The following PRPF19 variants were observed in gnomAD, a reference collection of about 807,000 sequenced individuals.
The protein encoded by PRPF19 is pre-mRNA-processing factor 19.
PRPF19 carries 2 observed loss-of-function variants against 64.2 expected under a neutral mutation model. The ratio of observed to expected loss-of-function variants is 0.03; its 90% CI spans 0.01 to 0.10. The LOEUF (loss-of-function observed/expected upper bound fraction) is 0.10. Among genes scored for constraint, PRPF19 ranks in the 10% least tolerant of loss-of-function variants. The probability of loss-of-function intolerance (pLI) is 1.00; values close to 1 mark genes in which losing one functional copy is unlikely to be tolerated. For synonymous variants in PRPF19, 226 were observed against 251.6 expected (o/e 0.90, Z 0.96); for missense variants, 314 against 650.0 (o/e 0.48, Z 5.62).
At chr11:60,905,006 TG>T (rs1427620898) in intron 1 of PRPF19, among the ~76,000 whole-genome samples, 1 of 152,188 alleles carries the variant, frequency 6.6e-6, no homozygotes, top group Non-Finnish European at 1.5e-5. Flanking sequence ...ACTTATCACC[TG>T]GAAGATTCCA....
Position 60,898,992 on chromosome 11 carries a change from C to T in PRPF19, c.985-61G>A, listed in dbSNP as rs761333353. On this transcript the variant is annotated intron_variant, in intron 11 of 15. Coordinates refer to ENST00000227524, the MANE Select transcript of PRPF19 (RefSeq NM_014502.5). The surrounding 1 kb of genome is among the most constrained non-coding windows in gnomAD (Gnocchi z 4.6). ...AAAGTGGGTCCCAGGTTCTGGTGGC[C>T]CTTCAGCAAGACAGAGCCCCTGGTT... is the stretch of plus-strand genomic sequence containing the variant. The T allele has an allele frequency of 4.1e-5, 63 of 1,521,490 alleles. No homozygotes were observed. The highest frequency in any genetic ancestry group is 4.8e-5 in the Non-Finnish European group (54 of 1,120,090). The allele number at this position is 1,521,490 out of a possible 1,614,324, so 94.2% of individuals were successfully genotyped here.
Position 60,898,791 on chromosome 11 carries a change from T to C in PRPF19, c.1054+71A>G. The C allele has an allele frequency of 6.7e-7, 1 of 1,499,310 alleles. No homozygotes were observed. The highest frequency in any genetic ancestry group is 9.0e-7 in the Non-Finnish European group (1 of 1,115,906). 92.9% of individuals were successfully genotyped at this position (1,499,310 alleles called of 1,614,324 possible). A position where few individuals can be genotyped will look rare whatever the true frequency, so the allele number is the denominator to read the frequency against. ...TATATCTTTAGAACAAATAAACAAA[T>C]GACTAAATAAAATGTAAAAATAAAT... On this transcript the variant is annotated intron_variant, in intron 12 of 15. Transcript: ENST00000227524. This position sits in a 1 kb window ranked among gnomAD's most constrained non-coding sequence, Gnocchi z 4.6.
intron 15 of PRPF19, among the ~76,000 whole-genome samples, chr11:60,896,372 C>G (rs1565109898): frequency 6.6e-6 from 1 of 152,208 alleles, no homozygotes; most frequent in African/African-American, 2.4e-5. Flanking sequence ...AGGTAGAAGA[C>G]AGTGATGTTG....
Position 60,906,364 on chromosome 11 carries a change from T to G in PRPF19, c.19A>C (p.Ile7Leu). The G allele has an allele frequency of 6.3e-7, 1 of 1,599,910 alleles. No homozygotes were observed. The highest frequency in any genetic ancestry group is 2.2e-5 in the East Asian group (1 of 44,462). The change falls in exon 1 of 16, where the codon ATC becomes CTC. Residue 7 changes from isoleucine to leucine, a missense_variant and splice_region_variant. Around this residue, in one of 7 missense-constraint regions of PRPF19, gnomAD observed 66 missense variants for 88.4 expected, o/e 0.75. Transcript: ENST00000227524. The part of the protein sequence containing the change: MSLICS[I>L]SNEVPEHPCV... ...GCGCTTGGCCGCAGCCAACACTCAC[T>G]GGAGCAGATTAGGGACATGGCGCCG...
intron 7 of PRPF19, 49 bp downstream of exon 7, chr11:60,901,450 G>A (rs754073875): frequency 8.7e-6 from 14 of 1,613,860 alleles, no homozygotes; most frequent in African/African-American, 4.0e-5. Flanking sequence ...GGAGTCAACC[G>A]CCTCCCACCA....
intron 15 of PRPF19, chr11:60,897,506 G>A (rs1352355188): frequency 4.7e-6 from 1 of 211,922 alleles, no homozygotes; most frequent in South Asian, 8.6e-5. Flanking sequence ...ATATAATGTG[G>A]GCCTCCCGTG....
At chr11:60,900,745 T>C (rs894962628) in intron 9 of PRPF19, 54 bp from the exon 10 acceptor site, 11 of 1,569,858 alleles carry the variant, frequency 7.0e-6, no homozygotes, top group Middle Eastern at 1.7e-4. Context: ...CAGGCCCTTT[T>C]GCTCAAGGAA....
chr11:60,896,834 T>TA (rs1263931319), intron 15 of PRPF19, among the ~76,000 whole-genome samples: 1 of 151,996 alleles, frequency 6.6e-6, no homozygotes, highest in Non-Finnish European at 1.5e-5. Flanking sequence ...AAAATAAAAA[T>TA]AAAAAAATTA....
At chr11:60,897,735 G>C in intron 15 of PRPF19, 111 bp downstream of exon 15, 1 of 887,034 alleles carries the variant, frequency 1.1e-6, no homozygotes, top group Non-Finnish European at 1.8e-6. Context: ...GGTGGTAACA[G>C]AAAGCTGCTT....
In PRPF19 at chr11:60,890,794, C is replaced by T. The variant is rs761109864; in HGVS notation, c.*372G>A. ...ACAAAACCCTGCACAAGCCCTCCTGCCCATCCCCTTCACAGTTCCCTTGGC... is the reference window on the plus strand; with the variant it reads ...ACAAAACCCTGCACAAGCCCTCCTGTCCATCCCCTTCACAGTTCCCTTGGC... On this transcript the variant is annotated 3_prime_UTR_variant, in exon 16 of 16. Coordinates refer to ENST00000227524, the MANE Select transcript of PRPF19 (RefSeq NM_014502.5). The T allele has an allele frequency of 4.3e-6, 2 of 468,448 alleles. No homozygotes were observed. Among genetic ancestry groups the T allele is most frequent in the South Asian group, 3.1e-5 (2 of 64,672 alleles). 29.0% of individuals were successfully genotyped at this position (468,448 alleles called of 1,614,324 possible).
chr11:60,896,842 T>A (rs538883702), intron 15 of PRPF19, among the ~76,000 whole-genome samples: 3 of 152,196 alleles, frequency 2.0e-5, no homozygotes, highest in South Asian at 2.1e-4. Flanking sequence ...AATAAAAAAA[T>A]TAGAAAAAAG....
rs1156348061 is a variant in PRPF19, at chr11:60,891,199, G to T, written c.1482C>A (p.Gly494=). 1 of 1,609,540 alleles carries T rather than the reference G, an allele frequency of 6.2e-7. No homozygotes were observed. Among genetic ancestry groups the T allele is most frequent in the Non-Finnish European group, 8.5e-7 (1 of 1,177,752 alleles). Residue 494 remains glycine (G), a synonymous_variant, in exon 16 of 16, where the codon GGC becomes GGA. Coordinates refer to ENST00000227524, the MANE Select transcript of PRPF19 (RefSeq NM_014502.5). ...TGTAGAACTTGAGGCTTCTGTCCATGCCTGTTGAAGCGATGAACTTGGCGT... is the reference window on the plus strand; with the variant it reads ...TGTAGAACTTGAGGCTTCTGTCCATTCCTGTTGAAGCGATGAACTTGGCGT... ...GHHAKFIAST[G]MDRSLKFYSL is the part of the protein sequence containing the mutation.
At chr11:60,904,679 G>A (rs1226960788) in intron 1 of PRPF19, among the ~76,000 whole-genome samples, 3 of 152,182 alleles carry the variant, frequency 2.0e-5, no homozygotes, top group Non-Finnish European at 1.5e-5. Context: ...AGCATAGGAT[G>A]AGGTATGGGA....
rs908329130 is a variant in PRPF19 at position 60,898,595 on chromosome 11, T to C, written c.1086A>G (p.Gly362=). Residue 362 remains glycine, a synonymous_variant, in exon 13 of 16, where the codon GGA becomes GGG. Transcript: ENST00000227524. This position sits in a 1 kb window ranked among gnomAD's most constrained non-coding sequence, Gnocchi z 4.6. ...CCATGGTTCCTGTTCCAAAGATGAG[T>C]CCGTCAGGGTGGAACTGTGCACAGG... ...SLTCAQFHPD[G]LIFGTGTMDS... The C allele has an allele frequency of 2.4e-5, 38 of 1,613,798 alleles. No homozygotes were observed. Among genetic ancestry groups the C allele is most frequent in the Non-Finnish European group, 3.2e-5 (38 of 1,180,008 alleles).
chr11:60,901,176 C>T (rs781093377), intron 8 of PRPF19, 119 bp downstream of exon 8: 3 of 1,183,942 alleles, frequency 2.5e-6, no homozygotes, highest in Non-Finnish European at 3.6e-6. Context: ...GAAACAGCAC[C>T]AGGAACAGCG....
Position 60,902,314 on chromosome 11 carries a change from G to T in PRPF19, c.525+89C>A. 3 of 1,442,524 alleles carry T rather than the reference G, an allele frequency of 2.1e-6. No homozygotes were observed. The highest frequency in any genetic ancestry group is 1.9e-6 in the Non-Finnish European group (2 of 1,033,980). The allele number at this position is 1,442,524 out of a possible 1,614,324, so 89.4% of individuals were successfully genotyped here. On this transcript the variant is annotated intron_variant, in intron 6 of 15. Coordinates refer to ENST00000227524, the MANE Select transcript of PRPF19 (RefSeq NM_014502.5). This position sits in a 1 kb window ranked among gnomAD's most constrained non-coding sequence, Gnocchi z 5.0. Reference sequence around the variant, plus strand: ...GCTCTGCACCACTCAACTCCCAAAAGCACAGTGATTTTAGTCACGATGGAC... The same window carrying T: ...GCTCTGCACCACTCAACTCCCAAAATCACAGTGATTTTAGTCACGATGGAC...
chr11:60,903,518 G>T lies in PRPF19; in HGVS notation c.187C>A (p.Pro63Thr). The T allele has an allele frequency of 1.2e-6, 2 of 1,614,094 alleles. No individual in the cohort carries two copies. Among genetic ancestry groups the T allele is most frequent in the Non-Finnish European group, 1.7e-6 (2 of 1,180,016 alleles). Residue 63 changes from proline to threonine, a missense_variant, in exon 3 of 16, where the codon CCC (proline) becomes ACC (threonine). By Grantham distance (38) the Pro-to-Thr change is conservative (BLOSUM62 -1). This residue lies in a region of PRPF19 where 66 missense variants were observed against 88.4 expected (regional missense o/e 0.75). Transcript: ENST00000227524. ...IDIKVAHPIR[P>T]KPPSATSIPA... ...ATGCTGGTGGCTGAGGGAGGCTTGG[G>T]CCGGATTGGGTGAGCAACTGCCGAA... is the stretch of plus-strand genomic sequence containing the variant.
intron 1 of PRPF19, among the ~76,000 whole-genome samples, chr11:60,904,996 A>T (rs1355667107): frequency 2.6e-5 from 4 of 152,226 alleles, no homozygotes; most frequent in Non-Finnish European, 4.4e-5. Context: ...GCGTACAGAC[A>T]CTTATCACCT....
rs945940401 is a variant in PRPF19 at position 60,898,423 on chromosome 11, G to A, written c.1140+118C>T. The stretch of plus-strand genomic sequence containing the variant: ...CAGACCACACCATCATATCACACAC[G>A]CACAGCCAGTGTCTCTCCACCTTCA... On this transcript the variant is annotated intron_variant, in intron 13 of 15. Transcript: ENST00000227524. The surrounding 1 kb of genome is among the most constrained non-coding windows in gnomAD (Gnocchi z 4.6). The A allele has an allele frequency of 4.3e-5, 67 of 1,547,342 alleles. No individual in the cohort carries two copies. The highest frequency in any genetic ancestry group is 1.1e-4 in the African/African-American group (8 of 73,312).
Sources: allele counts gnomAD v4.1 joint callset (sites outside exome capture counted in the v4.1 genomes callset), GRCh38; gene constraint gnomAD v4.1.1; regional missense constraint gnomAD v4.1.1; non-coding constraint Gnocchi (gnomAD v3.1); transcripts MANE v1.5; gene names NCBI Gene and HGNC (gene_info 2026-07-23, HGNC 2026-07-21).